SOBP: variants seen among roughly 807,000 people sequenced by gnomAD.
The protein encoded by SOBP is sine oculis-binding protein homolog.
SOBP carries 4 observed loss-of-function variants against 53.6 expected under a neutral mutation model. The ratio of observed to expected loss-of-function variants is 0.07; its 90% CI spans 0.04 to 0.17. SOBP has a LOEUF of 0.17. Ranked by LOEUF, SOBP falls within the 10% of genes least tolerant of loss-of-function variation. The probability of loss-of-function intolerance (pLI) is 1.00; values close to 1 mark genes in which losing one functional copy is unlikely to be tolerated. For synonymous variants in SOBP, 584 were observed against 522.6 expected, an observed-to-expected ratio of 1.12 and a Z score of -1.60; for missense variants, 1,088 against 1,204.7, an observed-to-expected ratio of 0.90 and a Z score of 1.43.
At chr6:107,500,693 T>C (rs574870902) in intron 1 of SOBP, among the ~76,000 whole-genome samples, 1 of 151,656 alleles carries the variant, frequency 6.6e-6, no homozygotes, top group Non-Finnish European at 1.5e-5. Flanking sequence ...GGCTAATTTT[T>C]TGTATTTTTA....
intron 1 of SOBP, among the ~76,000 whole-genome samples, chr6:107,495,961 A>AAGGAG (rs917087832): frequency 1.3e-5 from 2 of 152,112 alleles, no homozygotes; most frequent in Non-Finnish European, 2.9e-5. Context: ...TATGTTCCTG[A>AAGGAG]AGGAGAGGGG....
rs986948321 is a variant in SOBP at position 107,661,130 on chromosome 6, A to C, written c.*2927A>C. ...TCTGTAGTCCAAGATTGTCAAGCAA[A>C]CATTTTGACCCTTCTGGAAACAAAA... On this transcript the variant is annotated 3_prime_UTR_variant, in exon 7 of 7. Transcript: ENST00000317357. 2.0e-5 allele frequency among the ~76,000 whole-genome samples: 3 copies of C among 152,154 alleles called. No homozygotes were observed. The highest frequency in any genetic ancestry group is 2.9e-5 in the Non-Finnish European group (2 of 68,018).
In SOBP at chr6:107,490,627, T is replaced by A; in HGVS notation, c.11T>A (p.Met4Lys). The A allele has an allele frequency of 1.2e-6, 2 of 1,603,270 alleles. No homozygotes were observed. Among genetic ancestry groups the A allele is most frequent in the Non-Finnish European group, 1.7e-6 (2 of 1,174,676 alleles). Residue 4 changes from methionine (M) to lysine (K), a missense_variant, in exon 1 of 7, where the codon ATG becomes AAG. This residue lies in a region of SOBP where 37 missense variants were observed against 37.8 expected (regional missense o/e 0.98). Coordinates refer to ENST00000317357, the MANE Select transcript of SOBP (RefSeq NM_018013.4). MAE[M>K]EKEGRPPENK... ...ACCAGACACAAAAACATGGCAGAAATGGAGAAAGAAGGGAGACCTCCCGAA... is the reference window on the plus strand; with the variant it reads ...ACCAGACACAAAAACATGGCAGAAAAGGAGAAAGAAGGGAGACCTCCCGAA...
chr6:107,562,791 T>G (rs1211973307), intron 4 of SOBP, among the ~76,000 whole-genome samples: 2 of 151,916 alleles, frequency 1.3e-5, no homozygotes, highest in Admixed American at 1.3e-4. Flanking sequence ...AACATCAAAA[T>G]GATGAAAAAA....
intron 3 of SOBP, among the ~76,000 whole-genome samples, chr6:107,520,421 C>T (rs1263900657): frequency 6.6e-6 from 1 of 152,112 alleles, no homozygotes; most frequent in Non-Finnish European, 1.5e-5. Context: ...ACTCAGTTGC[C>T]TTAATGGCAG....
At chr6:107,567,975 C>T (rs568283108) in intron 4 of SOBP, among the ~76,000 whole-genome samples, 1 of 152,192 alleles carries the variant, frequency 6.6e-6, no homozygotes, top group Non-Finnish European at 1.5e-5. Flanking sequence ...ACTCAGCTGG[C>T]TGGTTCCCTT....
intron 6 of SOBP, among the ~76,000 whole-genome samples, chr6:107,654,662 C>A (rs1185118599): frequency 1.8e-5 from 2 of 112,928 alleles, no homozygotes; most frequent in African/African-American, 9.3e-5. Context: ...CACCCAGGCC[C>A]CCACTGCACA....
At chr6:107,507,497 G>T (rs967500580) in intron 3 of SOBP, among the ~76,000 whole-genome samples, 1 of 151,932 alleles carries the variant, frequency 6.6e-6, no homozygotes, top group South Asian at 2.1e-4. Flanking sequence ...GTAGAGACAG[G>T]GTTTCACCAT....
At chr6:107,580,096 GGGCAAGGGATCCTTA>G in intron 4 of SOBP, among the ~76,000 whole-genome samples, 1 of 152,188 alleles carries the variant, frequency 6.6e-6, no homozygotes, top group East Asian at 1.9e-4. Context: ...GTGAAAGGGA[GGGCAAGGGATCCTTA>G]GGCAGACATT....
intron 1 of SOBP, among the ~76,000 whole-genome samples, chr6:107,491,627 G>A (rs1238450372): frequency 6.6e-6 from 1 of 152,108 alleles, no homozygotes; most frequent in Non-Finnish European, 1.5e-5. Context: ...CCTGGGCGAG[G>A]GTTTTATTCT....
In SOBP at chr6:107,660,317, C is replaced by T. The variant is rs1415727666; in HGVS notation, c.*2114C>T. ...CTGGGATGGCACTGTCTCTTCCTGA[C>T]CTGCTAGACCACGCTTGTCTGCAGA... On this transcript the variant is annotated 3_prime_UTR_variant, in exon 7 of 7. Transcript: ENST00000317357. 2 of 152,132 alleles carry T rather than the reference C, an allele frequency of 1.3e-5. No homozygotes were observed. The highest frequency in any genetic ancestry group is 2.9e-5 in the Non-Finnish European group (2 of 68,038). The allele number at this position is 152,132 out of a possible 1,614,324, so 9.4% of individuals were successfully genotyped here. A position where few individuals can be genotyped will look rare whatever the true frequency, so the allele number is the denominator to read the frequency against.
At chr6:107,532,265 A>ACACAC (rs1379743593) in intron 3 of SOBP, among the ~76,000 whole-genome samples, 1 of 150,516 alleles carries the variant, frequency 6.6e-6, no homozygotes, top group Admixed American at 6.6e-5. Context: ...ACACACACAC[A>ACACAC]CACACACCAC....
At chr6:107,549,493 T>C (rs1290943630) in intron 4 of SOBP, among the ~76,000 whole-genome samples, 1 of 151,616 alleles carries the variant, frequency 6.6e-6, no homozygotes, top group Non-Finnish European at 1.5e-5. Flanking sequence ...ATTTAGGGTG[T>C]CATTTTGCAT....
chr6:107,529,669 A>G (rs886785265), intron 3 of SOBP: 27 of 957,376 alleles, frequency 2.8e-5, no homozygotes, highest in East Asian at 1.2e-4. Flanking sequence ...TCACTGACCA[A>G]TGGCCATCCT....
At chr6:107,648,285 T>A (rs952168854) in intron 6 of SOBP, among the ~76,000 whole-genome samples, 1 of 152,178 alleles carries the variant, frequency 6.6e-6, no homozygotes, top group African/African-American at 2.4e-5. Flanking sequence ...GGCCGCAGTC[T>A]TGAGAGTCAG....
intron 1 of SOBP, among the ~76,000 whole-genome samples, chr6:107,495,980 G>A (rs1479688721): frequency 6.6e-6 from 1 of 151,918 alleles, no homozygotes; most frequent in Non-Finnish European, 1.5e-5. Flanking sequence ...GGATATTACA[G>A]GTTAGAAGAG....
In SOBP at chr6:107,642,259, G is replaced by T. The variant is rs763578107; in HGVS notation, c.*3+6790G>T. 3.3e-5 allele frequency among the ~76,000 whole-genome samples: 5 copies of T among 151,810 alleles called. No homozygotes were observed. In the South Asian group the frequency reaches 1.0e-3, roughly 31 times the overall value. The stretch of plus-strand genomic sequence containing the variant: ...TCCACAGCACAGAAAAAAAAAATAG[G>T]GTGGGGTCAGGATTGGGAACATGAG... On this transcript the variant is annotated intron_variant, in intron 6 of 6. Coordinates refer to ENST00000317357, the MANE Select transcript of SOBP (RefSeq NM_018013.4).
At position 107,634,662 on chromosome 6, in the gene SOBP, G is replaced by C; in HGVS notation, c.1818G>C (p.Leu606=). 1 of 1,552,356 alleles carries C rather than the reference G, an allele frequency of 6.4e-7. No homozygotes were observed. Among genetic ancestry groups the C allele is most frequent in the South Asian group, 1.2e-5 (1 of 86,612 alleles). Reference sequence around the variant, plus strand: ...CCCCCGGCTGCTCGGGCCAGGCCCTGAGCCTGGCGCCCACGCCCGCCGAGC... The same window carrying C: ...CCCCCGGCTGCTCGGGCCAGGCCCTCAGCCTGGCGCCCACGCCCGCCGAGC... ...DSPPGCSGQA[L]SLAPTPAEHG... is the part of the protein sequence containing the mutation. The change falls in exon 6 of 7, where the codon CTG becomes CTC. Residue 606 remains leucine (L), a synonymous_variant. Coordinates refer to ENST00000317357, the MANE Select transcript of SOBP (RefSeq NM_018013.4). This position sits in a 1 kb window ranked among gnomAD's most constrained non-coding sequence, Gnocchi z 4.5.
chr6:107,618,841 C>A (rs1786899181), intron 5 of SOBP, among the ~76,000 whole-genome samples: 1 of 152,132 alleles, frequency 6.6e-6, no homozygotes. Flanking sequence ...TTCATGACAT[C>A]CTGTCGGGCT....
Sources: gnomAD v4.1 joint callset for allele counts (sites outside exome capture counted in the v4.1 genomes callset) on GRCh38, gnomAD v4.1.1 for gene constraint, gnomAD v4.1.1 regional missense constraint, Gnocchi (gnomAD v3.1) non-coding constraint, MANE v1.5 for transcripts, NCBI Gene and HGNC (gene_info 2026-07-23, HGNC 2026-07-21) for gene names.